Variants in ROBO2 observed in about 807,000 individuals in gnomAD.
ROBO2 encodes roundabout homolog 2.
A neutral mutation model predicts 160.8 loss-of-function variants in ROBO2; 53 were observed. That is an observed-to-expected ratio of 0.33 (90% CI 0.26 to 0.41). The LOEUF (loss-of-function observed/expected upper bound fraction) is 0.41. ROBO2 is among the 10% of genes least tolerant of loss of function. The pLI is 1.00. For missense variants in ROBO2, 1,577 were observed against 1,722.4 expected, an observed-to-expected ratio of 0.92 and a Z score of 1.49; for synonymous variants, 664 against 611.7, an observed-to-expected ratio of 1.09 and a Z score of -1.26.
chr3:75,919,047 T>C (rs1369298632), intron 1 of ROBO2, among the ~76,000 whole-genome samples: 2 of 152,174 alleles, frequency 1.3e-5, no homozygotes, highest in Non-Finnish European at 2.9e-5. Flanking sequence ...CTTGCTTGAT[T>C]GCCCTGGCCA....
intron 2 of ROBO2, among the ~76,000 whole-genome samples, chr3:76,100,859 C>CA (rs1269150408): frequency 6.6e-6 from 1 of 152,130 alleles, no homozygotes; most frequent in African/African-American, 2.4e-5. Context: ...CCTCATTTAA[C>CA]ATGGATTTAT....
chr3:77,023,640 A>G (rs1037075345), intron 2 of ROBO2, among the ~76,000 whole-genome samples: 1 of 152,240 alleles, frequency 6.6e-6, no homozygotes, highest in Non-Finnish European at 1.5e-5. Flanking sequence ...ACATTCTGCT[A>G]AAAGGATATA....
rs79658228 is a variant in ROBO2 at position 77,341,092 on chromosome 3, G to A, written c.389-136322G>A. Among the ~76,000 whole-genome samples, 821 of 152,212 alleles carry A rather than the reference G, an allele frequency of 5.4e-3. 5 individuals carry two copies. The highest frequency in any genetic ancestry group is 0.011 in the South Asian group (54 of 4,828). ...TGGTGTTCAAAAGTATTGTTGGAAC[G>A]TAGCCATGCTTATCACTTTACATAT... On this transcript the variant is annotated intron_variant, in intron 2 of 25. Transcript: ENST00000461745.
chr3:76,386,964 C>T (rs1030319811), intron 2 of ROBO2, among the ~76,000 whole-genome samples: 4 of 152,078 alleles, frequency 2.6e-5, no homozygotes, highest in South Asian at 2.1e-4. Context: ...TCAGTCTACT[C>T]CTGCTGCTAT....
intron 2 of ROBO2, among the ~76,000 whole-genome samples, chr3:76,946,937 C>G (rs963120526): frequency 1.3e-5 from 2 of 152,154 alleles, no homozygotes; most frequent in African/African-American, 4.8e-5. Flanking sequence ...GAAATTTTGT[C>G]TTTCTTTCCG....
At chr3:77,460,318 G>A (rs1349911627) in intron 2 of ROBO2, among the ~76,000 whole-genome samples, 1 of 152,096 alleles carries the variant, frequency 6.6e-6, no homozygotes, top group African/African-American at 2.4e-5. Flanking sequence ...ATAAAGACTT[G>A]TATGGCGAAA....
At chr3:76,675,934 T>G (rs558286257) in intron 2 of ROBO2, among the ~76,000 whole-genome samples, 90 of 152,228 alleles carry the variant, frequency 5.9e-4, no homozygotes, top group Middle Eastern at 6.8e-3. Flanking sequence ...ATACTAAGAT[T>G]TTTTTTAGTT....
At chr3:77,577,744 T>G in intron 15 of ROBO2, 130 bp downstream of exon 16, 1 of 1,153,670 alleles carries the variant, frequency 8.7e-7, no homozygotes, top group Non-Finnish European at 1.3e-6. Flanking sequence ...TTTATATTTC[T>G]GTGTGACAGA....
rs1401081947 is a variant in ROBO2, at chr3:77,602,500, G to T, written c.3136+9G>T. The T allele has an allele frequency of 6.2e-7, 1 of 1,614,012 alleles. No homozygotes were observed. Among genetic ancestry groups the T allele is most frequent in the Non-Finnish European group, 8.5e-7 (1 of 1,179,936 alleles). On this transcript the variant is annotated intron_variant, in intron 20 of 25. Coordinates refer to ENST00000461745, the Ensembl canonical transcript of ROBO2. ...GAACAAAGGTAACAATGGTGAGTCA[G>T]GTTCTTGTGTCCTGAGGAGGTATTT...
At chr3:76,103,455 C>T (rs1215522079) in intron 2 of ROBO2, among the ~76,000 whole-genome samples, 1 of 152,160 alleles carries the variant, frequency 6.6e-6, no homozygotes, top group Admixed American at 6.5e-5. Flanking sequence ...CTGCAACGCA[C>T]CCTCTGCTCA....
At chr3:76,655,799 C>T (rs1352666564) in intron 2 of ROBO2, among the ~76,000 whole-genome samples, 1 of 150,788 alleles carries the variant, frequency 6.6e-6, no homozygotes, top group Non-Finnish European at 1.5e-5. Context: ...GGGGTCAAAT[C>T]ATTCCCAGTT....
At chr3:76,306,346 T>C (rs1346068638) in intron 2 of ROBO2, among the ~76,000 whole-genome samples, 1 of 152,198 alleles carries the variant, frequency 6.6e-6, no homozygotes, top group Non-Finnish European at 1.5e-5. Context: ...ATTAAAAGTC[T>C]AGTAACATAA....
chr3:77,264,747 C>T (rs531686026), intron 2 of ROBO2, among the ~76,000 whole-genome samples: 2 of 152,210 alleles, frequency 1.3e-5, no homozygotes, highest in East Asian at 1.9e-4. Context: ...GCATTTCTCT[C>T]GAGTTCCTTT....
chr3:77,191,694 G>A (rs2081869052), intron 2 of ROBO2, among the ~76,000 whole-genome samples: 2 of 152,236 alleles, frequency 1.3e-5, no homozygotes, highest in South Asian at 2.1e-4. Flanking sequence ...AGTGAGAAAG[G>A]CCTCTGAGGA....
intron 2 of ROBO2, among the ~76,000 whole-genome samples, chr3:77,321,218 G>C (rs995843857): frequency 6.6e-6 from 1 of 152,086 alleles, no homozygotes; most frequent in Non-Finnish European, 1.5e-5. Flanking sequence ...ACTTCTCTGT[G>C]TATTAGAAAT....
chr3:76,646,998 G>C lies in ROBO2; in HGVS notation c.110-451016G>C, dbSNP rs1578852985. Among the ~76,000 whole-genome samples the C allele has an allele frequency of 3.3e-5, 5 of 152,108 alleles. 1 individual carries two copies. The South Asian group carries it at 8.3e-4, about 25-fold the overall frequency. ...AAGACTTAGAAGCCTGGAAATGTTA[G>C]AACTCAGACCTCAGAAAAGGGCACA... On this transcript the variant is annotated intron_variant, in intron 2 of 26. Transcript: ENST00000487694.
intron 2 of ROBO2, among the ~76,000 whole-genome samples, chr3:76,574,235 A>T (rs999671095): frequency 6.6e-6 from 1 of 152,152 alleles, no homozygotes; most frequent in African/African-American, 2.4e-5. Context: ...GAATGAGTAT[A>T]ACAAAATCAG....
chr3:77,527,350 C>CT (rs1561080826), intron 6 of ROBO2, 53 bp from the exon 7 acceptor site: 36 of 1,268,218 alleles, frequency 2.8e-5, no homozygotes, highest in Middle Eastern at 4.4e-4. Flanking sequence ...ATTTTTCTTT[C>CT]TTTTTTTTAA....
chr3:77,380,465 T>G (rs767227968), intron 2 of ROBO2, among the ~76,000 whole-genome samples: 8 of 152,162 alleles, frequency 5.3e-5, no homozygotes, highest in Non-Finnish European at 1.0e-4. Flanking sequence ...TTAAAACATT[T>G]TTGAAATTAT....
Sources: allele counts gnomAD v4.1 joint callset (sites outside exome capture counted in the v4.1 genomes callset), GRCh38; gene constraint gnomAD v4.1.1; transcripts MANE v1.5; gene names NCBI Gene and HGNC (gene_info 2026-07-23, HGNC 2026-07-21).